The following SIPA1L3 variants were observed in gnomAD, a reference collection of about 807,000 sequenced individuals.
SIPA1L3 encodes the protein signal induced proliferation associated 1 like 3.
In SIPA1L3, 59 loss-of-function variants were observed where a neutral mutation model predicts 150.1. That is an observed-to-expected ratio of 0.39 (90% CI 0.32 to 0.49). The LOEUF is 0.49. SIPA1L3 is among the 20% of genes least tolerant of loss of function. SIPA1L3 has a pLI of 0.86. For synonymous variants in SIPA1L3, 1,070 were observed against 1,077.6 expected (o/e 0.99, Z 0.14); for missense variants, 2,211 against 2,489.5 (o/e 0.89, Z 2.38).
At position 38,172,252 on chromosome 19, in the gene SIPA1L3, C is replaced by T. The variant is rs570018090; in HGVS notation, c.4208+7346C>T. On this transcript the variant is annotated intron_variant, in intron 15 of 21. Coordinates refer to ENST00000222345, the MANE Select transcript of SIPA1L3 (RefSeq NM_015073.3). ...CCATGTGAGAGTCCAGGGTGGCTGC[C>T]ACGTGTCTGGAGGCTGCCGTGGCCT... 2.1e-4 allele frequency among the ~76,000 whole-genome samples: 32 copies of T among 152,272 alleles called. No homozygotes were observed. The South Asian group carries it at 6.6e-3, about 32-fold the overall frequency.
chr19:38,038,835 C>T (rs181982196), intron 2 of SIPA1L3, among the ~76,000 whole-genome samples: 7 of 152,226 alleles, frequency 4.6e-5, no homozygotes, highest in East Asian at 3.9e-4. Context: ...AGTTACTGAG[C>T]GACATTATAA....
intron 1 of SIPA1L3, among the ~76,000 whole-genome samples, chr19:37,958,688 A>G (rs917776952): frequency 3.9e-5 from 6 of 152,220 alleles, no homozygotes; most frequent in African/African-American, 1.4e-4. Flanking sequence ...AAATAGACAC[A>G]TTGGACTTCA....
At chr19:38,116,396 T>C (rs553461684) in intron 8 of SIPA1L3, among the ~76,000 whole-genome samples, 2 of 150,970 alleles carry the variant, frequency 1.3e-5, no homozygotes, top group Admixed American at 1.3e-4. Context: ...TAATCCCAGC[T>C]ACTCAGGAGG....
At chr19:37,963,422 C>T (rs1432483635) in intron 1 of SIPA1L3, among the ~76,000 whole-genome samples, 1 of 152,268 alleles carries the variant, frequency 6.6e-6, no homozygotes, top group African/African-American at 2.4e-5. Flanking sequence ...GGTCTACAGG[C>T]CTGCTGCTGG....
rs855638 is a variant in SIPA1L3 at position 38,088,645 on chromosome 19, T to C, written c.1535-76T>C. 218,594 of 1,552,270 alleles carry C rather than the reference T, an allele frequency of 0.14. 15,996 individuals are homozygous for C. The highest frequency in any genetic ancestry group is 0.22 in the African/African-American group (16,042 of 73,436). The stretch of plus-strand genomic sequence containing the variant: ...CACAGGACCCTGCCTGGTCGCCCTG[T>C]CTGCAGGCCTGCTGGGCATCAGGGC... On this transcript the variant is annotated intron_variant, in intron 3 of 21. Coordinates refer to ENST00000222345, the MANE Select transcript of SIPA1L3 (RefSeq NM_015073.3).
chr19:38,139,254 C>T (rs2145935290), intron 10 of SIPA1L3, among the ~76,000 whole-genome samples: 1 of 152,266 alleles, frequency 6.6e-6, no homozygotes, highest in South Asian at 2.1e-4. Context: ...GAGCACATGA[C>T]AATTCTGTGC....
chr19:37,940,281 G>A (rs1599818494), intron 1 of SIPA1L3, among the ~76,000 whole-genome samples: 1 of 146,348 alleles, frequency 6.8e-6, no homozygotes, highest in Admixed American at 6.9e-5. Flanking sequence ...AAAAAACCCT[G>A]CCTAAAAACA....
chr19:38,173,475 T>C (rs1972373229), intron 15 of SIPA1L3, among the ~76,000 whole-genome samples: 1 of 152,272 alleles, frequency 6.6e-6, no homozygotes, highest in Middle Eastern at 3.2e-3. Flanking sequence ...CGCCCTCTCC[T>C]GAGGCAGCAC....
chr19:38,141,130 G>A lies in SIPA1L3; in HGVS notation c.3144-54G>A, dbSNP rs1412122458. ...CAGGAAAACCCAGCCTAGACAGCAG[G>A]CCCACGTGTTGGTGGGCTGGGGCCT... On this transcript the variant is annotated intron_variant, in intron 10 of 21. Transcript: ENST00000222345. The A allele has an allele frequency of 3.1e-5, 47 of 1,500,254 alleles. 3 individuals are homozygous for A. In the South Asian group the frequency reaches 5.7e-4, roughly 18 times the overall value. 92.9% of individuals were successfully genotyped at this position (1,500,254 alleles called of 1,614,324 possible).
chr19:38,188,616 G>A (rs1026804945), intron 16 of SIPA1L3, among the ~76,000 whole-genome samples: 1 of 152,070 alleles, frequency 6.6e-6, no homozygotes, highest in Admixed American at 6.6e-5. Context: ...CTACAAAAGG[G>A]TTTGCAATAG....
At chr19:38,087,462 A>G (rs1322936140) in intron 3 of SIPA1L3, among the ~76,000 whole-genome samples, 1 of 152,216 alleles carries the variant, frequency 6.6e-6, no homozygotes, top group Non-Finnish European at 1.5e-5. Flanking sequence ...AACCAGAACC[A>G]TCAGTTAAAC....
chr19:38,182,457 T>C, intron 15 of SIPA1L3, 62 bp from the exon 16 acceptor site: 1 of 1,256,046 alleles, frequency 8.0e-7, no homozygotes, highest in Non-Finnish European at 1.1e-6. Flanking sequence ...CTTCAATAGC[T>C]CTGTCTTGCC....
intron 1 of SIPA1L3, among the ~76,000 whole-genome samples, chr19:37,910,941 G>A (rs1044375118): frequency 2.0e-5 from 3 of 152,052 alleles, no homozygotes; most frequent in Admixed American, 6.6e-5. Context: ...GACCTTTTGT[G>A]CGTGTGTGTA....
intron 1 of SIPA1L3, among the ~76,000 whole-genome samples, chr19:38,005,834 G>A (rs140484980): frequency 7.7e-4 from 118 of 152,262 alleles, no homozygotes; most frequent in Non-Finnish European, 1.3e-3. Context: ...GACTGCTGCA[G>A]GCCAGGAGTT....
chr19:38,135,737 T>G (rs1355481336), intron 10 of SIPA1L3, among the ~76,000 whole-genome samples: 1 of 152,142 alleles, frequency 6.6e-6, no homozygotes, highest in Non-Finnish European at 1.5e-5. Flanking sequence ...ATCTCCCGTT[T>G]GCAGGGGTGG....
chr19:38,040,640 G>C (rs889068418), intron 2 of SIPA1L3, among the ~76,000 whole-genome samples: 2 of 152,106 alleles, frequency 1.3e-5, no homozygotes, highest in Non-Finnish European at 2.9e-5. Flanking sequence ...ACAGTTTTCA[G>C]TGCTATATTA....
chr19:38,130,372 C>T (rs1600110890), intron 9 of SIPA1L3, 126 bp from the exon 10 acceptor site: 1 of 975,414 alleles, frequency 1.0e-6, no homozygotes, highest in Non-Finnish European at 1.5e-6. Context: ...CTGCCATCAC[C>T]CGGGAAGGTA....
intron 6 of SIPA1L3, among the ~76,000 whole-genome samples, chr19:38,102,233 G>A (rs1970520476): frequency 6.6e-6 from 1 of 150,396 alleles, no homozygotes; most frequent in South Asian, 2.1e-4. Flanking sequence ...TTTTAGTAGA[G>A]ATGGGGATTT....
chr19:38,206,072 G>T, intron 21 of SIPA1L3, 25 bp from the exon 22 acceptor site: 1 of 1,521,856 alleles, frequency 6.6e-7, no homozygotes, highest in South Asian at 1.2e-5. Flanking sequence ...CCACCCGCCT[G>T]ATGCCAGCTT....
Sources: allele counts gnomAD v4.1 joint callset (sites outside exome capture counted in the v4.1 genomes callset), GRCh38; gene constraint gnomAD v4.1.1; transcripts MANE v1.5; gene names NCBI Gene and HGNC (gene_info 2026-07-23, HGNC 2026-07-21).